The following LPP variants were observed in gnomAD, a reference collection of about 807,000 sequenced individuals.
LPP encodes the protein lipoma-preferred partner.
A neutral mutation model predicts 60.4 loss-of-function variants in LPP; 38 were observed. That is an observed-to-expected ratio of 0.63 (90% CI 0.49 to 0.83). LPP has a LOEUF of 0.83. Among genes scored for constraint, LPP ranks in the 40% least tolerant of loss-of-function variants. The probability of loss-of-function intolerance (pLI) is 0.00; values close to 1 mark genes in which losing one functional copy is unlikely to be tolerated. For missense variants in LPP, 902 were observed against 783.6 expected (o/e 1.15, Z -1.80); for synonymous variants, 328 against 290.8 (o/e 1.13, Z -1.30).
intron 5 of LPP, among the ~76,000 whole-genome samples, chr3:188,492,813 C>T (rs1808795099): frequency 6.6e-6 from 1 of 152,202 alleles, no homozygotes; most frequent in African/African-American, 2.4e-5. Flanking sequence ...GTCCTGCTCC[C>T]AATAAACACG....
At chr3:188,406,394 C>A (rs1221275200) in intron 4 of LPP, 81 bp downstream of exon 4, 5 of 1,303,364 alleles carry the variant, frequency 3.8e-6, no homozygotes, top group South Asian at 1.4e-5. Context: ...AAAGTTGTGT[C>A]AGAAAAACGT....
At chr3:188,789,295 T>C (rs1409791646) in intron 9 of LPP, among the ~76,000 whole-genome samples, 1 of 152,180 alleles carries the variant, frequency 6.6e-6, no homozygotes, top group African/African-American at 2.4e-5. Flanking sequence ...TTTTTGTTGT[T>C]GTTGTTGTTG....
intron 5 of LPP, among the ~76,000 whole-genome samples, chr3:188,486,939 A>G (rs1806722753): frequency 6.6e-6 from 1 of 152,228 alleles, no homozygotes; most frequent in South Asian, 2.1e-4. Flanking sequence ...TGGCTTTAAT[A>G]TACCTTTGGT....
At chr3:188,767,103 T>A (rs551037257) in intron 9 of LPP, among the ~76,000 whole-genome samples, 19 of 152,110 alleles carry the variant, frequency 1.2e-4, no homozygotes, top group Non-Finnish European at 2.6e-4. Flanking sequence ...GCAAATAAAG[T>A]AATCAAAATA....
chr3:188,157,799 AGGGG>A (rs1180199675), intron 1 of LPP, among the ~76,000 whole-genome samples: 1 of 151,158 alleles, frequency 6.6e-6, no homozygotes, highest in Non-Finnish European at 1.5e-5. Context: ...CACTATAGAG[AGGGG>A]GGTGTCTGAG....
Position 188,609,770 on chromosome 3 carries a change from C to T in LPP, c.1039C>T (p.Pro347Ser). ...GAACCAGAACCCTCCTGGGATGTAT[C>T]CAGTCACTGGTCCCAAGAAGACCTA... ...AGNQNPPGMY[P>S]VTGPKKTYIT... Residue 347 changes from proline to serine, a missense_variant, in exon 7 of 12, where the codon CCA (proline) becomes TCA (serine). Coordinates refer to ENST00000617246, the MANE Select transcript of LPP (RefSeq NM_001375462.1). The surrounding 1 kb of genome is among the most constrained non-coding windows in gnomAD (Gnocchi z 6.9). The T allele has an allele frequency of 6.2e-7, 1 of 1,614,066 alleles. No homozygotes were observed. The highest frequency in any genetic ancestry group is 1.1e-5 in the South Asian group (1 of 91,084).
intron 4 of LPP, among the ~76,000 whole-genome samples, chr3:188,450,551 C>G (rs1437404224): frequency 6.6e-6 from 1 of 152,076 alleles, no homozygotes; most frequent in African/African-American, 2.4e-5. Context: ...TCGAGACCAG[C>G]CTGACCAACA....
intron 5 of LPP, among the ~76,000 whole-genome samples, chr3:188,504,027 C>T (rs566190288): frequency 2.0e-4 from 30 of 151,808 alleles, no homozygotes; most frequent in African/African-American, 6.8e-4. Flanking sequence ...AAGTATTGTC[C>T]CTGCCTTTTC....
intron 6 of LPP, among the ~76,000 whole-genome samples, chr3:188,570,159 A>G (rs1833199520): frequency 6.6e-6 from 1 of 152,022 alleles, no homozygotes; most frequent in Admixed American, 6.6e-5. Context: ...AGAGAAGGGT[A>G]AAAGTGACAG....
chr3:188,660,646 G>GTGTGTGTA (rs1854365990), intron 7 of LPP, among the ~76,000 whole-genome samples: 1 of 151,534 alleles, frequency 6.6e-6, no homozygotes, highest in African/African-American at 2.4e-5. Flanking sequence ...CCAAAGATCT[G>GTGTGTGTA]TGTGTGTGTG....
chr3:188,846,147 A>G (rs1577941288), intron 9 of LPP, among the ~76,000 whole-genome samples: 1 of 152,358 alleles, frequency 6.6e-6, no homozygotes, highest in East Asian at 1.9e-4. Flanking sequence ...CAAAGAACTC[A>G]AAATATGGTG....
At chr3:188,504,072 A>G (rs1208419818) in intron 5 of LPP, among the ~76,000 whole-genome samples, 1 of 152,282 alleles carries the variant, frequency 6.6e-6, no homozygotes, top group Non-Finnish European at 1.5e-5. Context: ...TCCATGCTGC[A>G]TACTTTGGTA....
At position 188,462,587 on chromosome 3, in the gene LPP, CATGTGTGTGTGTGT is replaced by C. The variant is rs1269836495; in HGVS notation, c.194-22004_194-21991del. ...ATATATATATATATATATATATATG[CATGTGTGTGTGTGT>C]GTGTGTGTGTGTGTGTGTGTGTGTG... On this transcript the variant is annotated intron_variant, in intron 4 of 11. Transcript: ENST00000617246. Among the ~76,000 whole-genome samples the C allele has an allele frequency of 2.3e-3, 100 of 43,158 alleles. 3 individuals are homozygous for C. Among genetic ancestry groups the C allele is most frequent in the African/African-American group, 8.6e-3 (84 of 9,766 alleles). 28.3% of individuals were successfully genotyped at this position (43,158 alleles called of 152,430 possible). A position where few individuals can be genotyped will look rare whatever the true frequency, so the allele number is the denominator to read the frequency against.
chr3:188,622,502 A>G (rs536631278), intron 7 of LPP, among the ~76,000 whole-genome samples: 5 of 152,242 alleles, frequency 3.3e-5, no homozygotes, highest in African/African-American at 9.6e-5. Flanking sequence ...ATTTCTAGGG[A>G]AAAAAATGTG....
At chr3:188,169,603 A>G (rs1720966563) in intron 1 of LPP, among the ~76,000 whole-genome samples, 2 of 152,188 alleles carry the variant, frequency 1.3e-5, no homozygotes, top group Admixed American at 1.3e-4. Context: ...GTGTATCTTT[A>G]CCATGGGATT....
At chr3:188,576,329 A>G (rs1432596749) in intron 6 of LPP, among the ~76,000 whole-genome samples, 1 of 152,140 alleles carries the variant, frequency 6.6e-6, no homozygotes, top group Non-Finnish European at 1.5e-5. Flanking sequence ...ATTATATGTT[A>G]GTGGGTTGTG....
chr3:188,653,348 A>T (rs967228012), intron 7 of LPP, among the ~76,000 whole-genome samples: 2 of 152,170 alleles, frequency 1.3e-5, no homozygotes, highest in Non-Finnish European at 2.9e-5. Flanking sequence ...TTTCTTTTGT[A>T]CTTGAACTTG....
chr3:188,668,726 A>AT (rs1376486480), intron 7 of LPP, among the ~76,000 whole-genome samples: 3 of 152,192 alleles, frequency 2.0e-5, no homozygotes, highest in Non-Finnish European at 4.4e-5. Context: ...CCGTGGGACA[A>AT]TTACTTATTC....
At chr3:188,162,419 C>T (rs940052677) in intron 1 of LPP, among the ~76,000 whole-genome samples, 20 of 152,190 alleles carry the variant, frequency 1.3e-4, no homozygotes, top group Non-Finnish European at 2.4e-4. Flanking sequence ...AAGCCCTTTA[C>T]ACAGGTGAGA....
Sources: gnomAD v4.1 joint callset for allele counts (sites outside exome capture counted in the v4.1 genomes callset) on GRCh38, gnomAD v4.1.1 for gene constraint, Gnocchi (gnomAD v3.1) non-coding constraint, MANE v1.5 for transcripts, NCBI Gene and HGNC (gene_info 2026-07-23, HGNC 2026-07-21) for gene names.